The following CSMD2 variants were observed in gnomAD, a reference collection of about 807,000 sequenced individuals.
The protein encoded by CSMD2 is CUB and Sushi multiple domains 2.
Under a neutral mutation model 398.5 loss-of-function variants are expected in CSMD2, and 130 were observed. The observed-to-expected ratio is 0.33, with a 90% CI of 0.28 to 0.38. The LOEUF (loss-of-function observed/expected upper bound fraction) is 0.38, where lower values mean the gene tolerates loss of function less well. Ranked by LOEUF, CSMD2 falls within the 10% of genes least tolerant of loss-of-function variation. The pLI, the probability that CSMD2 is intolerant of heterozygous loss-of-function variation, is 1.00. For synonymous variants in CSMD2, 1,828 were observed against 1,908.5 expected (o/e 0.96, Z 1.10); for missense variants, 3,829 against 4,764.9 (o/e 0.80, Z 5.78).
intron 25 of CSMD2, among the ~76,000 whole-genome samples, chr1:33,687,877 C>G (rs1386733535): frequency 6.6e-6 from 1 of 152,082 alleles, no homozygotes. Context: ...GACAAATTGT[C>G]CAAACAGAAA....
In CSMD2 at chr1:33,611,141, G is replaced by A. The variant is rs149538328; in HGVS notation, c.6243C>T (p.Ser2081=). The A allele has an allele frequency of 3.7e-4, 594 of 1,613,924 alleles. 1 individual carries two copies. The highest frequency in any genetic ancestry group is 4.7e-4 in the Non-Finnish European group (551 of 1,179,982). Residue 2081 remains serine (S), a synonymous_variant, in exon 41 of 71, where the codon AGC becomes AGT. Transcript: ENST00000373381. ...TSRMMGRFSG[S]ELPSSLLSTS... ...TGGAGAGGAGGGAGCTTGGAAGCTC[G>A]CTTCCACTGAATCTTCCCATCATGC...
At chr1:34,129,011 C>CACACA (rs59942525) in intron 1 of CSMD2, among the ~76,000 whole-genome samples, 7 of 149,874 alleles carry the variant, frequency 4.7e-5, no homozygotes, top group African/African-American at 1.7e-4. Flanking sequence ...GTACCCCCCC[C>CACACA]CACACACACA....
At chr1:33,842,595 G>A (rs1230501748) in intron 6 of CSMD2, among the ~76,000 whole-genome samples, 1 of 152,154 alleles carries the variant, frequency 6.6e-6, no homozygotes, top group Non-Finnish European at 1.5e-5. Context: ...TATTAGGCCT[G>A]TGGGCCTCTT....
At chr1:33,837,417 C>T (rs1365021625) in intron 6 of CSMD2, among the ~76,000 whole-genome samples, 1 of 151,536 alleles carries the variant, frequency 6.6e-6, no homozygotes, top group African/African-American at 2.4e-5. Flanking sequence ...CACCCACTAG[C>T]CTTGTCCCAA....
intron 3 of CSMD2, among the ~76,000 whole-genome samples, chr1:33,967,231 T>C (rs903458301): frequency 6.0e-5 from 9 of 149,804 alleles, no homozygotes; most frequent in African/African-American, 2.0e-4. Flanking sequence ...ACCAAAACAC[T>C]TTTTCTTAAG....
Position 33,537,152 on chromosome 1 carries a change from A to C in CSMD2, c.9806-57T>G. 6.3e-7 allele frequency: 1 copy of C among 1,576,742 alleles called. No individual in the cohort carries two copies. Among genetic ancestry groups the C allele is most frequent in the Non-Finnish European group, 8.7e-7 (1 of 1,146,210 alleles). ...TGGTCATGGAAGCCTTCACGGCCTCATCTCACTCTGGGAAATAGGTGTAGA... is the reference window on the plus strand; with the variant it reads ...TGGTCATGGAAGCCTTCACGGCCTCCTCTCACTCTGGGAAATAGGTGTAGA... On this transcript the variant is annotated intron_variant, in intron 61 of 70. Coordinates refer to ENST00000373381, the MANE Select transcript of CSMD2 (RefSeq NM_001281956.2). The surrounding 1 kb of genome is among the most constrained non-coding windows in gnomAD (Gnocchi z 4.6).
At chr1:33,692,660 T>A (rs1170995523) in intron 25 of CSMD2, among the ~76,000 whole-genome samples, 2 of 152,022 alleles carry the variant, frequency 1.3e-5, no homozygotes, top group East Asian at 3.9e-4. Flanking sequence ...CAAATGGGGG[T>A]CTGCATGCCT....
At chr1:33,981,080 T>C (rs992301923) in intron 3 of CSMD2, among the ~76,000 whole-genome samples, 1 of 152,142 alleles carries the variant, frequency 6.6e-6, no homozygotes. Context: ...CACACTTCTG[T>C]TGGGAGAGAG....
At chr1:33,570,875 T>C (rs1194191574) in intron 51 of CSMD2, among the ~76,000 whole-genome samples, 2 of 152,140 alleles carry the variant, frequency 1.3e-5, no homozygotes, top group Non-Finnish European at 2.9e-5. Context: ...AGCTAAGGCT[T>C]TCATGGATAC....
intron 5 of CSMD2, among the ~76,000 whole-genome samples, chr1:33,867,450 C>G (rs1043055628): frequency 6.6e-6 from 1 of 152,170 alleles, no homozygotes; most frequent in African/African-American, 2.4e-5. Flanking sequence ...TTACTGGACT[C>G]CTGACCCCAC....
intron 7 of CSMD2, among the ~76,000 whole-genome samples, chr1:33,822,619 A>C (rs1658286900): frequency 6.6e-6 from 1 of 151,888 alleles, no homozygotes; most frequent in African/African-American, 2.4e-5. Flanking sequence ...AGCCGTTCCC[A>C]CCAGTCCAGA....
chr1:34,165,721 C>T (rs1300467105), upstream of CSMD2: 2 of 1,611,156 alleles, frequency 1.2e-6, no homozygotes, highest in Non-Finnish European at 1.7e-6. Flanking sequence ...CAAAGAAGGA[C>T]GCGTTCCCCA....
Position 34,164,386 on chromosome 1 carries a change from C to T in CSMD2, c.187+525G>A, listed in dbSNP as rs1381980935. Among the ~76,000 whole-genome samples, 7 of 151,966 alleles carry T rather than the reference C, an allele frequency of 4.6e-5. No individual in the cohort carries two copies. In the South Asian group the frequency reaches 6.2e-4, roughly 14 times the overall value. On this transcript the variant is annotated intron_variant, in intron 1 of 70. Coordinates refer to ENST00000373381, the MANE Select transcript of CSMD2 (RefSeq NM_001281956.2). The surrounding 1 kb of genome is among the most constrained non-coding windows in gnomAD (Gnocchi z 6.2). The stretch of plus-strand genomic sequence containing the variant: ...TGGCGGCCGCAGTCTGCAGTCGGTT[C>T]CAGAGGGGGCACCGGTTTCAATTGG...
intron 22 of CSMD2, among the ~76,000 whole-genome samples, chr1:33,705,711 A>G (rs964598733): frequency 2.0e-5 from 3 of 150,158 alleles, no homozygotes; most frequent in African/African-American, 7.3e-5. Context: ...GAGCTTTCAG[A>G]TTTCTTGGCT....
intron 39 of CSMD2, among the ~76,000 whole-genome samples, chr1:33,615,808 G>A (rs74999796): frequency 0.025 from 3,803 of 152,266 alleles, 69 homozygotes; most frequent in Non-Finnish European, 0.032. Context: ...GCCCTACACC[G>A]TGGTGAAACC....
intron 15 of CSMD2, among the ~76,000 whole-genome samples, chr1:33,729,629 C>A (rs560191093): frequency 2.7e-5 from 4 of 150,148 alleles, no homozygotes; most frequent in Non-Finnish European, 5.9e-5. Flanking sequence ...ATCCCTCCCC[C>A]CTCCCCCCAC....
chr1:33,560,562 T>C (rs1251249757), intron 53 of CSMD2, among the ~76,000 whole-genome samples: 1 of 152,238 alleles, frequency 6.6e-6, no homozygotes, highest in Non-Finnish European at 1.5e-5. Context: ...TTCCTGCAGA[T>C]ATCCCTTAAC....
chr1:33,962,354 A>G (rs1645392696), intron 3 of CSMD2, among the ~76,000 whole-genome samples: 1 of 152,090 alleles, frequency 6.6e-6, no homozygotes, highest in Non-Finnish European at 1.5e-5. Flanking sequence ...TTGGGGGTTT[A>G]GGGGGCCACA....
At chr1:33,965,331 T>C (rs987229388) in intron 3 of CSMD2, among the ~76,000 whole-genome samples, 1 of 152,202 alleles carries the variant, frequency 6.6e-6, no homozygotes, top group South Asian at 2.1e-4. Flanking sequence ...CCTAGCTTTA[T>C]AATTTCACTG....
Sources: allele counts gnomAD v4.1 joint callset (sites outside exome capture counted in the v4.1 genomes callset), GRCh38; gene constraint gnomAD v4.1.1; non-coding constraint Gnocchi (gnomAD v3.1); transcripts MANE v1.5; gene names NCBI Gene and HGNC (gene_info 2026-07-23, HGNC 2026-07-21).